HCRTR2: variants seen among roughly 807,000 people sequenced by gnomAD.
The protein encoded by HCRTR2 is hypocretin receptor 2.
Under a neutral mutation model 49.0 loss-of-function variants are expected in HCRTR2, and 22 were observed. The observed-to-expected ratio is 0.45, with a 90% CI of 0.32 to 0.64. The LOEUF (loss-of-function observed/expected upper bound fraction) is 0.64, where lower values mean the gene tolerates loss of function less well. HCRTR2 is among the 30% of genes least tolerant of loss of function. The pLI, the probability that HCRTR2 is intolerant of heterozygous loss-of-function variation, is 0.04. For synonymous variants in HCRTR2, 236 were observed against 205.3 expected (o/e 1.15, Z -1.28); for missense variants, 491 against 559.4 (o/e 0.88, Z 1.23).
Position 55,122,741 on chromosome 6 carries a change from G to A in HCRTR2, c.-378+16196G>A, listed in dbSNP as rs530933307. On this transcript the variant is annotated intron_variant, in intron 1 of 7. Coordinates refer to the HCRTR2 transcript ENST00000615358. ...CTAAATGTCCAACAATGATAGACTG[G>A]ATTAAGAAAATGTGACACATGTACA... Among the ~76,000 whole-genome samples, 71 of 152,118 alleles carry A rather than the reference G, an allele frequency of 4.7e-4. No individual in the cohort carries two copies. The South Asian group carries it at 7.5e-3, about 16-fold the overall frequency.
chr6:55,208,584 G>A (rs563766112), intron 1 of HCRTR2, among the ~76,000 whole-genome samples: 1 of 152,112 alleles, frequency 6.6e-6, no homozygotes, highest in Admixed American at 6.6e-5. Context: ...GTCTTTTGAT[G>A]GAAATGAGAG....
At chr6:55,147,769 G>A (rs745866024) in intron 1 of HCRTR2, among the ~76,000 whole-genome samples, 64 of 152,174 alleles carry the variant, frequency 4.2e-4, no homozygotes, top group Non-Finnish European at 6.6e-4. Context: ...GAAAAGAGTT[G>A]ATTGTATCTT....
At chr6:55,176,182 G>C (rs1765036856) in intron 1 of HCRTR2, among the ~76,000 whole-genome samples, 1 of 152,192 alleles carries the variant, frequency 6.6e-6, no homozygotes, top group Non-Finnish European at 1.5e-5. Flanking sequence ...GATAGTATGT[G>C]AATGACAGGA....
intron 1 of HCRTR2, among the ~76,000 whole-genome samples, chr6:55,164,771 TA>T (rs34910792): frequency 0.016 from 2,425 of 148,530 alleles, 69 homozygotes; most frequent in African/African-American, 0.056. Flanking sequence ...CTTAAAGTAT[TA>T]AAAAAAAAAG....
At chr6:55,235,393 A>G (rs1466238459) in intron 1 of HCRTR2, among the ~76,000 whole-genome samples, 1 of 152,200 alleles carries the variant, frequency 6.6e-6, no homozygotes, top group Non-Finnish European at 1.5e-5. Context: ...ATTAACCACA[A>G]GAAATAATCA....
chr6:55,170,468 T>C (rs1355581631), upstream of HCRTR2, among the ~76,000 whole-genome samples: 1 of 151,846 alleles, frequency 6.6e-6, no homozygotes, highest in Non-Finnish European at 1.5e-5. Context: ...TGTTAAGTCC[T>C]CTCTTTTAGC....
At chr6:55,272,951 A>C (rs1215720289) in intron 4 of HCRTR2, among the ~76,000 whole-genome samples, 1 of 149,800 alleles carries the variant, frequency 6.7e-6, no homozygotes, top group Admixed American at 6.7e-5. Context: ...AGGCATAGTG[A>C]GAAGATCAGT....
chr6:55,208,342 A>T (rs79329331), intron 1 of HCRTR2, among the ~76,000 whole-genome samples: 7 of 151,142 alleles, frequency 4.6e-5, no homozygotes, highest in East Asian at 1.9e-4. Context: ...AAAAAAAAAA[A>T]ATAGCCAGGT....
intron 3 of HCRTR2, among the ~76,000 whole-genome samples, chr6:55,258,506 A>C (rs931948302): frequency 1.3e-5 from 2 of 152,174 alleles, no homozygotes; most frequent in African/African-American, 2.4e-5. Flanking sequence ...TCTAAAACTA[A>C]TTATATTCAT....
chr6:55,265,546 T>C (rs897804505), intron 4 of HCRTR2, among the ~76,000 whole-genome samples: 1 of 152,182 alleles, frequency 6.6e-6, no homozygotes, highest in African/African-American at 2.4e-5. Flanking sequence ...ATGTCTTTTA[T>C]GAACCGGCAT....
intron 1 of HCRTR2, among the ~76,000 whole-genome samples, chr6:55,165,864 A>G (rs1764871118): frequency 6.8e-6 from 1 of 146,174 alleles, no homozygotes. Context: ...TTAGTTCTCC[A>G]AAGTACATAC....
chr6:55,165,063 C>T (rs1001191419), intron 1 of HCRTR2, among the ~76,000 whole-genome samples: 2 of 152,032 alleles, frequency 1.3e-5, no homozygotes, highest in Non-Finnish European at 2.9e-5. Flanking sequence ...AGAATTGATC[C>T]TGCAGAAGAA....
chr6:55,108,320 C>G (rs576065189), intron 1 of HCRTR2, among the ~76,000 whole-genome samples: 1 of 152,062 alleles, frequency 6.6e-6, no homozygotes, highest in East Asian at 2.0e-4. Flanking sequence ...AGCTTTTGCT[C>G]CAAGAACTAC....
intron 4 of HCRTR2, among the ~76,000 whole-genome samples, chr6:55,276,970 A>G (rs911238507): frequency 2.0e-5 from 3 of 152,146 alleles, no homozygotes; most frequent in Non-Finnish European, 4.4e-5. Flanking sequence ...AAAAATCCAT[A>G]ACAGGTTGCT....
chr6:55,170,449 C>T (rs975123004), upstream of HCRTR2, among the ~76,000 whole-genome samples: 17 of 151,580 alleles, frequency 1.1e-4, no homozygotes, highest in South Asian at 4.2e-4. Context: ...TTTCTCTGTG[C>T]TAGGAGCATG....
chr6:55,181,780 A>T (rs2127273472), intron 1 of HCRTR2, among the ~76,000 whole-genome samples: 1 of 152,310 alleles, frequency 6.6e-6, no homozygotes, highest in East Asian at 1.9e-4. Context: ...TGAGGTGTGT[A>T]ATTATCTTTT....
At chr6:55,261,804 T>C (rs1041034915) in intron 3 of HCRTR2, among the ~76,000 whole-genome samples, 1 of 152,058 alleles carries the variant, frequency 6.6e-6, no homozygotes, top group African/African-American at 2.4e-5. Context: ...AATAAGCCAT[T>C]ATACTAAAAA....
At chr6:55,233,389 C>A (rs1766154065) in intron 1 of HCRTR2, among the ~76,000 whole-genome samples, 1 of 152,022 alleles carries the variant, frequency 6.6e-6, no homozygotes, top group South Asian at 2.1e-4. Flanking sequence ...CCACGCATGG[C>A]CAAAGCTGGT....
At chr6:55,131,152 T>A (rs73432932) in intron 1 of HCRTR2, among the ~76,000 whole-genome samples, 5,607 of 151,860 alleles carry the variant, frequency 0.037, 337 homozygotes, top group African/African-American at 0.13. Context: ...CAATTAAAGA[T>A]CTTTTTTTTC....
Sources: allele counts gnomAD v4.1 joint callset (sites outside exome capture counted in the v4.1 genomes callset), GRCh38; gene constraint gnomAD v4.1.1; transcripts MANE v1.5; gene names NCBI Gene and HGNC (gene_info 2026-07-23, HGNC 2026-07-21).